TRPC6: variants seen among roughly 807,000 people sequenced by gnomAD.
The protein encoded by TRPC6 is short transient receptor potential channel 6.
In TRPC6, 55 loss-of-function variants were observed where a neutral mutation model predicts 90.7. The observed-to-expected ratio is 0.61, with a 90% CI of 0.49 to 0.76. The LOEUF (loss-of-function observed/expected upper bound fraction) is 0.76, where lower values mean the gene tolerates loss of function less well. TRPC6 is among the 30% of genes least tolerant of loss of function. The probability of loss-of-function intolerance (pLI) is 0.00; values close to 1 mark genes in which losing one functional copy is unlikely to be tolerated. For synonymous variants in TRPC6, 393 were observed against 393.0 expected, an observed-to-expected ratio of 1.00 and a Z score of 0.00; for missense variants, 989 against 1,122.7, an observed-to-expected ratio of 0.88 and a Z score of 1.70.
chr11:101,492,682 T>C (rs1250361848), intron 2 of TRPC6, among the ~76,000 whole-genome samples: 1 of 152,204 alleles, frequency 6.6e-6, no homozygotes, highest in African/African-American at 2.4e-5. Context: ...ATATATCATC[T>C]CCTTCATGGG....
At chr11:101,490,461 C>A (rs558080456) in intron 3 of TRPC6, among the ~76,000 whole-genome samples, 1 of 152,088 alleles carries the variant, frequency 6.6e-6, no homozygotes, top group Non-Finnish European at 1.5e-5. Flanking sequence ...GTCTATCCAT[C>A]TATCTATTTA....
At chr11:101,482,464 T>A (rs1417614475) in intron 5 of TRPC6, among the ~76,000 whole-genome samples, 2 of 152,210 alleles carry the variant, frequency 1.3e-5, no homozygotes, top group African/African-American at 4.8e-5. Flanking sequence ...ATAGATGTGA[T>A]TATACATTAT....
chr11:101,558,697 G>A (rs1478616906), intron 1 of TRPC6, among the ~76,000 whole-genome samples: 1 of 151,980 alleles, frequency 6.6e-6, no homozygotes, highest in African/African-American at 2.4e-5. Flanking sequence ...TTACAGGCAT[G>A]AGCTACCATG....
chr11:101,558,214 T>C lies in TRPC6; in HGVS notation c.170+25120A>G, dbSNP rs1861608887. 3.0e-5 allele frequency among the ~76,000 whole-genome samples: 2 copies of C among 66,954 alleles called. 1 individual carries two copies. The highest frequency in any genetic ancestry group is 5.7e-5 in the Non-Finnish European group (2 of 34,898). The allele number at this position is 66,954 out of a possible 152,430, so 43.9% of individuals were successfully genotyped here. A position where few individuals can be genotyped will look rare whatever the true frequency, so the allele number is the denominator to read the frequency against. Reference sequence around the variant, plus strand: ...ACATATATATGTGTGTGTATACATGTATATATGTATACATGTATATGGGTA... The same window carrying C: ...ACATATATATGTGTGTGTATACATGCATATATGTATACATGTATATGGGTA... On this transcript the variant is annotated intron_variant, in intron 1 of 12. Transcript: ENST00000344327.
chr11:101,560,806 A>T (rs1861694752), intron 1 of TRPC6, among the ~76,000 whole-genome samples: 1 of 152,170 alleles, frequency 6.6e-6, no homozygotes, highest in African/African-American at 2.4e-5. Context: ...AGAACAGTGT[A>T]GGAATGGCAC....
chr11:101,553,993 A>C (rs527407766), intron 1 of TRPC6, among the ~76,000 whole-genome samples: 1 of 152,258 alleles, frequency 6.6e-6, no homozygotes, highest in South Asian at 2.1e-4. Flanking sequence ...ACATGCTTTA[A>C]ATGCTATGCT....
At chr11:101,548,372 A>G (rs1425387561) in intron 1 of TRPC6, among the ~76,000 whole-genome samples, 4 of 143,436 alleles carry the variant, frequency 2.8e-5, no homozygotes, top group Non-Finnish European at 6.1e-5. Context: ...TCTTATAATT[A>G]TAATATATAA....
chr11:101,471,243 C>T lies in TRPC6; in HGVS notation c.2349G>A (p.Trp783Ter), dbSNP rs1261982602. The stretch of plus-strand genomic sequence containing the variant: ...TATGGCCCTGGAACAGCTCAGAAAT[C>T]CATTTTTTAAGCTTCAGTAAGAGAT... Reference protein sequence around the residue: ...LFYLLLKLKKWISELFQGHKK... With the variant: ...LFYLLLKLKK The change falls in exon 9 of 13, where the codon TGG becomes TGA. Residue 783 changes from tryptophan to a stop codon, truncating the protein, a stop_gained. Coordinates refer to ENST00000344327, the MANE Select transcript of TRPC6 (RefSeq NM_004621.6). LOFTEE classifies it high-confidence loss of function. 1.2e-6 allele frequency: 2 copies of T among 1,613,852 alleles called. No individual in the cohort carries two copies. Among genetic ancestry groups the T allele is most frequent in the Non-Finnish European group, 8.5e-7 (1 of 1,179,900 alleles).
chr11:101,515,867 T>C (rs1221722784), intron 1 of TRPC6, among the ~76,000 whole-genome samples: 1 of 152,116 alleles, frequency 6.6e-6, no homozygotes, highest in East Asian at 1.9e-4. Flanking sequence ...GGTACACATA[T>C]ATTAAATTAA....
intron 1 of TRPC6, among the ~76,000 whole-genome samples, chr11:101,559,820 T>C (rs1861676306): frequency 7.4e-6 from 1 of 134,520 alleles, no homozygotes; most frequent in South Asian, 2.5e-4. Flanking sequence ...GTGTGTGATG[T>C]TCCCCTTCCT....
chr11:101,489,918 A>C (rs1486645396), intron 3 of TRPC6, among the ~76,000 whole-genome samples: 1 of 152,206 alleles, frequency 6.6e-6, no homozygotes, highest in Non-Finnish European at 1.5e-5. Flanking sequence ...TTATCTACTC[A>C]GAATGGTAAA....
Position 101,471,401 on chromosome 11 carries a change from A to C in TRPC6, c.2206-15T>G, listed in dbSNP as rs764390212. Reference sequence around the variant, plus strand: ...TCAGCGTCATCCTATACAAATACACATGACAGTTCAGCAAGGAAATGCATA... The same window carrying C: ...TCAGCGTCATCCTATACAAATACACCTGACAGTTCAGCAAGGAAATGCATA... On this transcript the variant is annotated splice_polypyrimidine_tract_variant and intron_variant, in intron 8 of 12. Transcript: ENST00000344327. 12 of 1,613,192 alleles carry C rather than the reference A, an allele frequency of 7.4e-6. No homozygotes were observed. Among genetic ancestry groups the C allele is most frequent in the Non-Finnish European group, 1.0e-5 (12 of 1,179,400 alleles).
At chr11:101,453,243 A>G in intron 12 of TRPC6, 137 bp from the exon 13 acceptor site, 1 of 886,406 alleles carries the variant, frequency 1.1e-6, no homozygotes, top group Non-Finnish European at 1.8e-6. Context: ...ATAACTTCCT[A>G]ATTGAGCAGG....
At chr11:101,516,351 T>C (rs556807643) in intron 1 of TRPC6, among the ~76,000 whole-genome samples, 1 of 152,280 alleles carries the variant, frequency 6.6e-6, no homozygotes, top group Admixed American at 6.5e-5. Context: ...ACTACAATTT[T>C]AAGATTAATA....
chr11:101,498,700 C>G (rs1368113492), intron 2 of TRPC6, among the ~76,000 whole-genome samples: 2 of 152,210 alleles, frequency 1.3e-5, no homozygotes, highest in East Asian at 3.9e-4. Flanking sequence ...ATAGATTAAT[C>G]GTCTTCAAAC....
chr11:101,515,163 C>T (rs1051915684), intron 1 of TRPC6, among the ~76,000 whole-genome samples: 1 of 152,150 alleles, frequency 6.6e-6, no homozygotes, highest in Non-Finnish European at 1.5e-5. Flanking sequence ...TCAAGACTTT[C>T]CAGTTTGAAG....
intron 1 of TRPC6, among the ~76,000 whole-genome samples, chr11:101,561,852 G>A (rs148089725): frequency 2.3e-4 from 35 of 150,228 alleles, no homozygotes; most frequent in Non-Finnish European, 4.4e-4. Flanking sequence ...ACACATATTA[G>A]TTTATATATT....
chr11:101,567,300 G>A (rs1008251005), intron 1 of TRPC6, among the ~76,000 whole-genome samples: 1 of 151,910 alleles, frequency 6.6e-6, no homozygotes, highest in Non-Finnish European at 1.5e-5. Flanking sequence ...AGCCCCTCAG[G>A]CCAGACTGCC....
intron 1 of TRPC6, among the ~76,000 whole-genome samples, chr11:101,556,119 A>G (rs1861555343): frequency 6.6e-6 from 1 of 152,212 alleles, no homozygotes; most frequent in East Asian, 1.9e-4. Context: ...TCAAAAAAGA[A>G]GAAAGATCTC....
Sources: allele counts gnomAD v4.1 joint callset (sites outside exome capture counted in the v4.1 genomes callset), GRCh38; gene constraint gnomAD v4.1.1; transcripts MANE v1.5; gene names NCBI Gene and HGNC (gene_info 2026-07-23, HGNC 2026-07-21).